Variants in SLC38A6 observed in about 807,000 individuals in gnomAD.
SLC38A6 encodes the protein N system amino acid transporter NAT-1.
SLC38A6 carries 73 observed loss-of-function variants against 65.0 expected under a neutral mutation model. That is an observed-to-expected ratio of 1.12 (90% CI 0.93 to 1.37). The LOEUF (loss-of-function observed/expected upper bound fraction) is 1.37. SLC38A6 is among the 40% of genes most tolerant of loss of function. The probability of loss-of-function intolerance (pLI) is 0.00; values close to 1 mark genes in which losing one functional copy is unlikely to be tolerated. For synonymous variants in SLC38A6, 183 were observed against 178.8 expected (o/e 1.02, Z -0.19); for missense variants, 561 against 531.1 (o/e 1.06, Z -0.55).
At chr14:61,083,383 T>C (rs1046993440) in intron 16 of SLC38A6, among the ~76,000 whole-genome samples, 6 of 152,188 alleles carry the variant, frequency 3.9e-5, no homozygotes, top group Admixed American at 2.0e-4. Context: ...TCATTGCTAT[T>C]AGCTGTTATG....
chr14:60,988,884 C>T (rs1309310005), intron 3 of SLC38A6, among the ~76,000 whole-genome samples: 1 of 152,168 alleles, frequency 6.6e-6, no homozygotes, highest in African/African-American at 2.4e-5. Context: ...TTTGAATCTT[C>T]CTGAGGAAAA....
At chr14:61,002,338 A>G (rs754494342) in intron 3 of SLC38A6, 2 of 151,004 alleles carry the variant, frequency 1.3e-5, no homozygotes, top group Non-Finnish European at 3.0e-5. Context: ...AAATAATACA[A>G]AAAAAAAAGA....
At chr14:61,007,319 AT>A (rs1181050465) in intron 3 of SLC38A6, among the ~76,000 whole-genome samples, 1 of 49,122 alleles carries the variant, frequency 2.0e-5, no homozygotes, top group East Asian at 3.7e-4. Flanking sequence ...AACTTTAATA[AT>A]AATAAAATAA....
intron 3 of SLC38A6, among the ~76,000 whole-genome samples, chr14:60,992,872 C>A (rs1034867814): frequency 6.9e-6 from 1 of 145,608 alleles, no homozygotes; most frequent in South Asian, 2.2e-4. Context: ...TTTTTTGAGG[C>A]AGTCTTGCTC....
chr14:61,018,078 T>C (rs1003061476), intron 4 of SLC38A6, among the ~76,000 whole-genome samples: 1 of 152,150 alleles, frequency 6.6e-6, no homozygotes, highest in African/African-American at 2.4e-5. Flanking sequence ...TATAAGTAGG[T>C]AGGCAGGTGG....
intron 8 of SLC38A6, among the ~76,000 whole-genome samples, chr14:61,042,551 T>G (rs182020490): frequency 1.3e-5 from 2 of 152,166 alleles, no homozygotes; most frequent in Non-Finnish European, 2.9e-5. Flanking sequence ...TTTCTTTTAA[T>G]GTTTTTTTTG....
At chr14:61,007,818 A>G (rs1300087792) in intron 3 of SLC38A6, among the ~76,000 whole-genome samples, 1 of 152,160 alleles carries the variant, frequency 6.6e-6, no homozygotes, top group African/African-American at 2.4e-5. Flanking sequence ...GGTTTAAAAT[A>G]TATATACCAA....
At chr14:61,023,837 C>T (rs1292788365) in intron 5 of SLC38A6, among the ~76,000 whole-genome samples, 1 of 151,900 alleles carries the variant, frequency 6.6e-6, no homozygotes, top group Non-Finnish European at 1.5e-5. Flanking sequence ...TCGCCAAAGA[C>T]CCAGTTTATT....
At chr14:60,982,704 G>A (rs1355575524) in intron 2 of SLC38A6, 66 bp downstream of exon 2, 34 of 1,493,408 alleles carry the variant, frequency 2.3e-5, no homozygotes, top group Non-Finnish European at 3.0e-5. Flanking sequence ...GAAGTAGAGA[G>A]ATAGATTCCA....
chr14:61,076,708 TTC>T (rs1260962226), intron 15 of SLC38A6, among the ~76,000 whole-genome samples: 1 of 152,260 alleles, frequency 6.6e-6, no homozygotes, highest in African/African-American at 2.4e-5. Flanking sequence ...CCTAAATCTG[TTC>T]TGTTACATCA....
intron 3 of SLC38A6, among the ~76,000 whole-genome samples, chr14:61,005,036 C>T (rs1040369444): frequency 1.2e-3 from 179 of 152,136 alleles, no homozygotes; most frequent in Non-Finnish European, 1.8e-3. Flanking sequence ...GTTCAATATA[C>T]GCAAATCAAT....
chr14:61,079,110 T>A (rs2043541322), intron 16 of SLC38A6, among the ~76,000 whole-genome samples: 1 of 148,284 alleles, frequency 6.7e-6, no homozygotes, highest in African/African-American at 2.5e-5. Context: ...TTAAGAGACT[T>A]CCTATGAGTT....
chr14:61,021,608 C>A (rs976814394), intron 5 of SLC38A6, among the ~76,000 whole-genome samples: 1 of 152,096 alleles, frequency 6.6e-6, no homozygotes, highest in African/African-American at 2.4e-5. Flanking sequence ...TTTCCCAACT[C>A]TTAATTTTGT....
At chr14:61,041,213 ACTT>A (rs1566693728) in intron 8 of SLC38A6, among the ~76,000 whole-genome samples, 1 of 152,090 alleles carries the variant, frequency 6.6e-6, no homozygotes, top group African/African-American at 2.4e-5. Flanking sequence ...CTAAGCAAGG[ACTT>A]CCTGTTAATC....
chr14:61,026,714 G>A (rs1432263934), intron 5 of SLC38A6, among the ~76,000 whole-genome samples: 1 of 151,514 alleles, frequency 6.6e-6, no homozygotes, highest in African/African-American at 2.4e-5. Flanking sequence ...TTAATAGAAC[G>A]AGTTTCTCAA....
chr14:61,083,635 G>A (rs980967860), exon 17 of SLC38A6: 39 of 1,550,312 alleles, frequency 2.5e-5, no homozygotes, highest in Non-Finnish European at 3.3e-5. Flanking sequence ...ACAAGCCAAG[G>A]GAAGAGGCCT....
rs113118527 is a variant in SLC38A6 at position 61,043,458 on chromosome 14, T to C, written c.699T>C (p.Asn233=). 2.0e-3 allele frequency: 3,235 copies of C among 1,607,516 alleles called. 59 individuals are homozygous for C. The African/African-American group carries it at 0.037, about 18-fold the overall frequency. ...NYVEKGFQIS[N]VTDDCKPKLF... ...TCAATGCTCTTAAACAGATTTCAAA[T>C]GTTACAGATGATTGTAAGCCAAAGC... The change falls in exon 10 of 16, where the codon AAT becomes AAC. Residue 233 remains asparagine, a synonymous_variant. Coordinates refer to ENST00000267488, the MANE Select transcript of SLC38A6 (RefSeq NM_153811.3).
intron 15 of SLC38A6, among the ~76,000 whole-genome samples, chr14:61,064,999 C>A (rs2042975551): frequency 6.6e-6 from 1 of 152,134 alleles, no homozygotes; most frequent in African/African-American, 2.4e-5. Flanking sequence ...GGGTAATTCA[C>A]ACCTCTGCTT....
intron 6 of SLC38A6, among the ~76,000 whole-genome samples, chr14:61,034,885 G>A (rs776488119): frequency 8.5e-5 from 13 of 152,230 alleles, no homozygotes; most frequent in Middle Eastern, 6.8e-3. Flanking sequence ...TGTCATCATG[G>A]TGCTGTTTCT....
Sources: gnomAD v4.1 joint callset for allele counts (sites outside exome capture counted in the v4.1 genomes callset) on GRCh38, gnomAD v4.1.1 for gene constraint, MANE v1.5 for transcripts, NCBI Gene and HGNC (gene_info 2026-07-23, HGNC 2026-07-21) for gene names.